ZFAND3: variants seen among roughly 807,000 people sequenced by gnomAD.
ZFAND3 encodes AN1-type zinc finger protein 3.
ZFAND3 carries 10 observed loss-of-function variants against 29.6 expected under a neutral mutation model. The observed-to-expected ratio is 0.34, with a 90% CI of 0.21 to 0.57. ZFAND3 has a LOEUF of 0.57. Among genes scored for constraint, ZFAND3 ranks in the 20% least tolerant of loss-of-function variants. ZFAND3 has a pLI of 0.86. For synonymous variants in ZFAND3, 128 were observed against 112.6 expected (o/e 1.14, Z -0.87); for missense variants, 230 against 304.5 (o/e 0.76, Z 1.82).
intron 2 of ZFAND3, among the ~76,000 whole-genome samples, chr6:37,978,260 G>C (rs1278498209): frequency 5.3e-5 from 8 of 152,088 alleles, no homozygotes; most frequent in Admixed American, 5.2e-4. Context: ...ACACTGGTTG[G>C]GTTTCAAATG....
chr6:38,149,498 G>T (rs1766179228), intron 5 of ZFAND3, among the ~76,000 whole-genome samples: 1 of 152,074 alleles, frequency 6.6e-6, no homozygotes, highest in Non-Finnish European at 1.5e-5. Flanking sequence ...GGTGTTTTGG[G>T]CTGGTAGAGG....
chr6:37,939,327 A>T (rs1305451698), intron 2 of ZFAND3, among the ~76,000 whole-genome samples: 1 of 152,290 alleles, frequency 6.6e-6, no homozygotes, highest in Admixed American at 6.5e-5. Flanking sequence ...GCTCATAGAC[A>T]TATCATTCTA....
intron 1 of ZFAND3, among the ~76,000 whole-genome samples, chr6:37,824,751 A>G (rs1475356056): frequency 6.6e-6 from 1 of 152,198 alleles, no homozygotes; most frequent in African/African-American, 2.4e-5. Flanking sequence ...AGCAAATATC[A>G]TATGGGTTCA....
chr6:38,147,452 C>T (rs1467183404), intron 5 of ZFAND3, among the ~76,000 whole-genome samples: 2 of 152,206 alleles, frequency 1.3e-5, no homozygotes, highest in Admixed American at 6.5e-5. Context: ...AATAAACATG[C>T]GAATGCAGGC....
At chr6:38,074,165 G>T (rs1764509894) in intron 3 of ZFAND3, among the ~76,000 whole-genome samples, 1 of 152,142 alleles carries the variant, frequency 6.6e-6, no homozygotes. Flanking sequence ...GCATCCATGA[G>T]ATCTTTCCTT....
At chr6:37,913,222 T>G (rs754223678) in intron 1 of ZFAND3, among the ~76,000 whole-genome samples, 2 of 152,198 alleles carry the variant, frequency 1.3e-5, no homozygotes, top group East Asian at 3.8e-4. Context: ...CTCTATAGAA[T>G]GTAATGCTGT....
At chr6:37,912,937 A>T (rs1765548806) in intron 1 of ZFAND3, among the ~76,000 whole-genome samples, 1 of 152,242 alleles carries the variant, frequency 6.6e-6, no homozygotes, top group Non-Finnish European at 1.5e-5. Context: ...TTCCGAGTAC[A>T]TATAAAAGTT....
At chr6:38,023,107 A>G (rs984703399) in intron 2 of ZFAND3, among the ~76,000 whole-genome samples, 1 of 152,228 alleles carries the variant, frequency 6.6e-6, no homozygotes, top group East Asian at 1.9e-4. Context: ...AGCGTTTGGT[A>G]ATACCTTTCA....
chr6:38,090,678 A>G (rs1284375372), intron 4 of ZFAND3, among the ~76,000 whole-genome samples: 2 of 152,178 alleles, frequency 1.3e-5, no homozygotes, highest in Admixed American at 6.5e-5. Flanking sequence ...GAAATAATCT[A>G]CTAATTGCTT....
At chr6:38,116,808 A>G in intron 5 of ZFAND3, 69 bp downstream of exon 5, 1 of 1,543,180 alleles carries the variant, frequency 6.5e-7, no homozygotes, top group South Asian at 1.2e-5. Flanking sequence ...TTGGAAATTT[A>G]AGTGGCTGAA....
chr6:38,041,615 G>GT (rs1291029696), intron 2 of ZFAND3, among the ~76,000 whole-genome samples: 1 of 145,122 alleles, frequency 6.9e-6, no homozygotes, highest in Non-Finnish European at 1.5e-5. Context: ...TGTCACCACT[G>GT]TTTTTTTATC....
In ZFAND3 at chr6:38,153,290, C is replaced by T; in HGVS notation, c.*901C>T. ...AGTTTTTTAAAAAGACATTTCATAG[C>T]CAACAAGAATCAGTAGAAGTGCTGG... On this transcript the variant is annotated 3_prime_UTR_variant, in exon 6 of 6. Transcript: ENST00000287218. 1.0e-6 allele frequency: 1 copy of T among 985,486 alleles called. No individual in the cohort carries two copies. Among genetic ancestry groups the T allele is most frequent in the Non-Finnish European group, 1.2e-6 (1 of 829,954 alleles). The allele number at this position is 985,486 out of a possible 1,614,324, so 61.0% of individuals were successfully genotyped here.
intron 2 of ZFAND3, among the ~76,000 whole-genome samples, chr6:38,040,607 G>T (rs1032933074): frequency 6.6e-6 from 1 of 152,058 alleles, no homozygotes; most frequent in African/African-American, 2.4e-5. Context: ...ATACAGAAAA[G>T]CAGCAAAAAC....
At chr6:38,019,894 G>A (rs914369327) in intron 2 of ZFAND3, among the ~76,000 whole-genome samples, 1 of 152,008 alleles carries the variant, frequency 6.6e-6, no homozygotes, top group African/African-American at 2.4e-5. Flanking sequence ...GCTAATTTTT[G>A]TATTTTTAGT....
chr6:37,841,376 CTTATTTT>C (rs1764071172), intron 1 of ZFAND3, among the ~76,000 whole-genome samples: 2 of 152,050 alleles, frequency 1.3e-5, no homozygotes, highest in Non-Finnish European at 2.9e-5. Context: ...ATCTATTAAT[CTTATTTT>C]TTATTTTCCA....
rs1763957444 is a variant in ZFAND3, at chr6:37,835,797, T to G, written c.71+15781T>G. Among the ~76,000 whole-genome samples, 3 of 152,176 alleles carry G rather than the reference T, an allele frequency of 2.0e-5. 1 individual carries two copies. The South Asian group carries it at 6.2e-4, about 32-fold the overall frequency. ...ACACTATTCCGGAACCACCTCAGTT[T>G]TTTCAGTTAACGTATCTTGGAATTC... On this transcript the variant is annotated intron_variant, in intron 1 of 5. Transcript: ENST00000287218.
At chr6:38,046,054 A>G (rs577946109) in intron 2 of ZFAND3, among the ~76,000 whole-genome samples, 2 of 152,318 alleles carry the variant, frequency 1.3e-5, no homozygotes, top group South Asian at 4.1e-4. Flanking sequence ...CAAGGGCGTT[A>G]TATTTGAAAA....
At chr6:38,053,647 C>T (rs186454906) in intron 2 of ZFAND3, among the ~76,000 whole-genome samples, 4 of 152,080 alleles carry the variant, frequency 2.6e-5, no homozygotes, top group East Asian at 1.9e-4. Flanking sequence ...TGCAGTGAGC[C>T]GAGATTGCAC....
At chr6:37,852,804 CT>C (rs1428930688) in intron 1 of ZFAND3, among the ~76,000 whole-genome samples, 1 of 151,658 alleles carries the variant, frequency 6.6e-6, no homozygotes, top group East Asian at 1.9e-4. Flanking sequence ...CAATCTCCAC[CT>C]CCTGGGTTCA....
Sources: allele counts gnomAD v4.1 joint callset (sites outside exome capture counted in the v4.1 genomes callset), GRCh38; gene constraint gnomAD v4.1.1; transcripts MANE v1.5; gene names NCBI Gene and HGNC (gene_info 2026-07-23, HGNC 2026-07-21).